LDLRAP1: variants seen among roughly 807,000 people sequenced by gnomAD.
LDLRAP1 encodes the protein low density lipoprotein receptor adaptor protein 1, also known as low density lipoprotein receptor adapter protein 1.
In LDLRAP1, 30 loss-of-function variants were observed where a neutral mutation model predicts 37.8. The ratio of observed to expected loss-of-function variants is 0.79; its 90% CI spans 0.59 to 1.08. The LOEUF (loss-of-function observed/expected upper bound fraction) is 1.08, where lower values mean the gene tolerates loss of function less well. LDLRAP1 is among the 50% of genes least tolerant of loss of function. LDLRAP1 has a pLI of 0.00. For missense variants in LDLRAP1, 375 were observed against 401.6 expected, an observed-to-expected ratio of 0.93 and a Z score of 0.57; for synonymous variants, 156 against 169.8, an observed-to-expected ratio of 0.92 and a Z score of 0.63.
rs2044509590 is a variant in LDLRAP1 at position 25,567,295 on chromosome 1, C to T, written c.*303C>T. Reference sequence around the variant, plus strand: ...CATGTGCAGTGCTGTAATCGGCTCCCGCTTGCTCTCCTGGAGCAAGCTCTG... The same window carrying T: ...CATGTGCAGTGCTGTAATCGGCTCCTGCTTGCTCTCCTGGAGCAAGCTCTG... On this transcript the variant is annotated 3_prime_UTR_variant, in exon 9 of 9. Transcript: ENST00000374338. 2.2e-6 allele frequency: 1 copy of T among 447,002 alleles called. No homozygotes were observed. Among genetic ancestry groups the T allele is most frequent in the South Asian group, 2.1e-5 (1 of 48,522 alleles). 27.7% of individuals were successfully genotyped at this position (447,002 alleles called of 1,614,324 possible).
rs2043863331 is a variant in LDLRAP1, at chr1:25,543,850, G to T, written c.88+64G>T. 3.7e-6 allele frequency: 4 copies of T among 1,079,920 alleles called. No homozygotes were observed. In the Admixed American group the frequency reaches 1.8e-4, roughly 49 times the overall value. The allele number at this position is 1,079,920 out of a possible 1,614,324, so 66.9% of individuals were successfully genotyped here. A position where few individuals can be genotyped will look rare whatever the true frequency, so the allele number is the denominator to read the frequency against. On this transcript the variant is annotated intron_variant, in intron 1 of 8. Coordinates refer to ENST00000374338, the MANE Select transcript of LDLRAP1 (RefSeq NM_015627.3). ...GGCAGAGGCGCGCGGGGCCTCCGCGGGCGCCCGGAGTGCGGCCAAGTTGGG... is the reference window on the plus strand; with the variant it reads ...GGCAGAGGCGCGCGGGGCCTCCGCGTGCGCCCGGAGTGCGGCCAAGTTGGG...
chr1:25,585,331 GT>G, the LDLRAP1 span, among the ~76,000 whole-genome samples: 547 of 143,386 alleles, frequency 3.8e-3, 3 homozygotes, highest in African/African-American at 0.011. Flanking sequence ...TTTATTTTTT[GT>G]TTTTTTTTTT....
At chr1:25,587,341 A>G in the LDLRAP1 span, among the ~76,000 whole-genome samples, 7 of 151,954 alleles carry the variant, frequency 4.6e-5, no homozygotes, top group African/African-American at 1.7e-4. Flanking sequence ...TTTTGTAGAG[A>G]CAGGGTCTTA....
At chr1:25,578,166 CTG>C in the LDLRAP1 span, among the ~76,000 whole-genome samples, 1 of 146,986 alleles carries the variant, frequency 6.8e-6, no homozygotes, top group East Asian at 2.0e-4. Context: ...CTCTCTCTCT[CTG>C]TCTCTCTCTC....
chr1:25,556,248 C>T (rs192357981), intron 3 of LDLRAP1, among the ~76,000 whole-genome samples: 2 of 152,210 alleles, frequency 1.3e-5, no homozygotes, highest in Admixed American at 6.5e-5. Context: ...GCTACCGGCC[C>T]CTCCCCGATT....
intron 6 of LDLRAP1, among the ~76,000 whole-genome samples, chr1:25,563,425 T>TCGC (rs2044394200): frequency 6.6e-6 from 1 of 152,250 alleles, no homozygotes; most frequent in Non-Finnish European, 1.5e-5. Flanking sequence ...TATTGTGTGG[T>TCGC]TGCTTAAGAA....
chr1:25,573,338 G>T (rs1398698042), downstream of LDLRAP1, among the ~76,000 whole-genome samples: 1 of 152,236 alleles, frequency 6.6e-6, no homozygotes, highest in African/African-American at 2.4e-5. Flanking sequence ...AAGGGATTTA[G>T]TGAAGAGCAC....
At chr1:25,585,006 G>C in the LDLRAP1 span, among the ~76,000 whole-genome samples, 1 of 152,146 alleles carries the variant, frequency 6.6e-6, no homozygotes, top group Non-Finnish European at 1.5e-5. Flanking sequence ...GTCAGACCAG[G>C]TCAAAAGAAT....
chr1:25,576,947 T>G, the LDLRAP1 span, among the ~76,000 whole-genome samples: 1 of 152,068 alleles, frequency 6.6e-6, no homozygotes, highest in Non-Finnish European at 1.5e-5. Flanking sequence ...GCGGTGGGGT[T>G]CAGGCCTGTA....
chr1:25,552,259 G>A (rs1172118987), intron 1 of LDLRAP1, among the ~76,000 whole-genome samples: 1 of 152,218 alleles, frequency 6.6e-6, no homozygotes, highest in Admixed American at 6.5e-5. Flanking sequence ...GAGCCTTGTA[G>A]TAGGGGCCCA....
At chr1:25,549,900 T>A (rs987859371) in intron 1 of LDLRAP1, 1 of 152,294 alleles carries the variant, frequency 6.6e-6, no homozygotes, top group African/African-American at 2.4e-5. Context: ...GGAAGCAGCT[T>A]CCTAGAGAGA....
intron 4 of LDLRAP1, among the ~76,000 whole-genome samples, chr1:25,558,106 G>A (rs1017695422): frequency 1.3e-5 from 2 of 152,146 alleles, no homozygotes; most frequent in African/African-American, 4.8e-5. Flanking sequence ...TGAATTTGGG[G>A]GCAAGAAGTG....
chr1:25,577,582 G>A, the LDLRAP1 span, among the ~76,000 whole-genome samples: 2 of 152,240 alleles, frequency 1.3e-5, no homozygotes, highest in African/African-American at 2.4e-5. Flanking sequence ...TTCTACAGCA[G>A]GGAGGCCTGC....
intron 4 of LDLRAP1, 54 bp downstream of exon 4, chr1:25,557,321 C>G: frequency 1.4e-6 from 2 of 1,409,238 alleles, no homozygotes; most frequent in Non-Finnish European, 1.0e-6. Context: ...GGCAGCCTTG[C>G]TCTGGGTGGG....
In LDLRAP1 at chr1:25,568,064, A is replaced by G. The variant is rs2044531905; in HGVS notation, c.*1072A>G. On this transcript the variant is annotated 3_prime_UTR_variant, in exon 9 of 9. Coordinates refer to ENST00000374338, the MANE Select transcript of LDLRAP1 (RefSeq NM_015627.3). Reference sequence around the variant, plus strand: ...TTCTTCTCTGCCTCCTCCTCACGCAACTCACACCTCCTTTTCTTCTAGCTT... The same window carrying G: ...TTCTTCTCTGCCTCCTCCTCACGCAGCTCACACCTCCTTTTCTTCTAGCTT... The G allele has an allele frequency of 1.3e-5, 2 of 152,544 alleles. No homozygotes were observed. The highest frequency in any genetic ancestry group is 2.9e-5 in the Non-Finnish European group (2 of 68,044). 9.4% of individuals were successfully genotyped at this position (152,544 alleles called of 1,614,324 possible).
In LDLRAP1 at chr1:25,544,508, C is replaced by G. The variant is rs542098426; in HGVS notation, c.88+722C>G. ...TTTCTCTCGCACCTTTCCCCTCGGG[C>G]TTCCAGAGTCCCTTGGGTGCCCAGG... On this transcript the variant is annotated intron_variant, in intron 1 of 8. Coordinates refer to ENST00000374338, the MANE Select transcript of LDLRAP1 (RefSeq NM_015627.3). This position sits in a 1 kb window ranked among gnomAD's most constrained non-coding sequence, Gnocchi z 4.8. Among the ~76,000 whole-genome samples, 1 of 152,208 alleles carries G rather than the reference C, an allele frequency of 6.6e-6. No individual in the cohort carries two copies. Among genetic ancestry groups the G allele is most frequent in the African/African-American group, 2.4e-5 (1 of 41,464 alleles).
At position 25,554,071 on chromosome 1, in the gene LDLRAP1, A is replaced by G; in HGVS notation, c.231+7A>G. 2 of 1,613,460 alleles carry G rather than the reference A, an allele frequency of 1.2e-6. No homozygotes were observed. Among genetic ancestry groups the G allele is most frequent in the African/African-American group, 2.7e-5 (2 of 75,012 alleles). ...CAAGAGGATCGTGGCTACAGTGAGC[A>G]CCCCAGTCAGGAAGGGTGGGGGAAC... On this transcript the variant is annotated splice_region_variant and intron_variant, in intron 2 of 8. Transcript: ENST00000374338. This position sits in a 1 kb window ranked among gnomAD's most constrained non-coding sequence, Gnocchi z 5.4.
At chr1:25,563,955 TC>T in intron 7 of LDLRAP1, 164 bp downstream of exon 7, 1 of 848,784 alleles carries the variant, frequency 1.2e-6, no homozygotes, top group Admixed American at 2.1e-5. Context: ...ATGAACAATG[TC>T]CCTTTTGAAC....
the LDLRAP1 span, among the ~76,000 whole-genome samples, chr1:25,579,338 G>T: frequency 6.6e-6 from 1 of 152,186 alleles, no homozygotes; most frequent in Non-Finnish European, 1.5e-5. Context: ...GAGGCCAAAT[G>T]CGTCCCACAC....
Sources: gnomAD v4.1 joint callset for allele counts (sites outside exome capture counted in the v4.1 genomes callset) on GRCh38, gnomAD v4.1.1 for gene constraint, Gnocchi (gnomAD v3.1) non-coding constraint, MANE v1.5 for transcripts, NCBI Gene and HGNC (gene_info 2026-07-23, HGNC 2026-07-21) for gene names.